The following NBEA variants were observed in gnomAD, a reference collection of about 807,000 sequenced individuals.
NBEA encodes neurobeachin.
A neutral mutation model predicts 343.4 loss-of-function variants in NBEA; 44 were observed. The observed-to-expected ratio is 0.13, with a 90% CI of 0.10 to 0.16. The LOEUF is 0.16. Among genes scored for constraint, NBEA ranks in the 10% least tolerant of loss-of-function variants. The probability of loss-of-function intolerance (pLI) is 1.00; values close to 1 mark genes in which losing one functional copy is unlikely to be tolerated. For synonymous variants in NBEA, 1,175 were observed against 1,238.7 expected, an observed-to-expected ratio of 0.95 and a Z score of 1.08; for missense variants, 2,555 against 3,631.3, an observed-to-expected ratio of 0.70 and a Z score of 7.62.
intron 17 of NBEA, among the ~76,000 whole-genome samples, chr13:35,133,905 G>T (rs1224964106): frequency 1.3e-5 from 2 of 151,772 alleles, no homozygotes; most frequent in Non-Finnish European, 2.9e-5. Context: ...TTGGTTGGTG[G>T]TTACATGAAT....
At chr13:34,981,457 C>G (rs761219986) in intron 1 of NBEA, among the ~76,000 whole-genome samples, 7 of 152,162 alleles carry the variant, frequency 4.6e-5, no homozygotes, top group Non-Finnish European at 7.3e-5. Context: ...CAGACTATTT[C>G]CAAAGTGATT....
chr13:35,520,253 T>C (rs1448836847), intron 41 of NBEA, among the ~76,000 whole-genome samples: 2 of 152,150 alleles, frequency 1.3e-5, no homozygotes, highest in Non-Finnish European at 2.9e-5. Flanking sequence ...TCAACTGTTG[T>C]ATATTTGTCT....
chr13:35,510,961 C>A (rs9544512), intron 41 of NBEA, among the ~76,000 whole-genome samples: 75,934 of 151,930 alleles, frequency 0.5, 19,567 homozygotes, highest in Middle Eastern at 0.57. Flanking sequence ...TATTTTAGTC[C>A]TATTATGACT....
chr13:35,125,550 T>C (rs576006040), intron 17 of NBEA, among the ~76,000 whole-genome samples: 2 of 152,280 alleles, frequency 1.3e-5, no homozygotes, highest in East Asian at 3.9e-4. Context: ...TCTGTGGCTA[T>C]AGAGAAAGGA....
chr13:35,096,024 G>C (rs2065314715), intron 10 of NBEA, among the ~76,000 whole-genome samples: 1 of 151,802 alleles, frequency 6.6e-6, no homozygotes, highest in African/African-American at 2.4e-5. Context: ...AGAATGGAGA[G>C]AAATTTTGTA....
At chr13:35,563,980 C>A (rs1259716311) in intron 44 of NBEA, among the ~76,000 whole-genome samples, 1 of 151,784 alleles carries the variant, frequency 6.6e-6, no homozygotes, top group Non-Finnish European at 1.5e-5. Context: ...TACTTTGTCA[C>A]CCAGGTGATA....
chr13:35,339,091 A>T (rs1457004078), intron 36 of NBEA, among the ~76,000 whole-genome samples: 1 of 152,128 alleles, frequency 6.6e-6, no homozygotes, highest in Non-Finnish European at 1.5e-5. Context: ...CTAAGGGAAG[A>T]AGACAACAAT....
intron 31 of NBEA, among the ~76,000 whole-genome samples, chr13:35,204,905 T>A (rs2152748124): frequency 6.6e-6 from 1 of 152,228 alleles, no homozygotes; most frequent in Middle Eastern, 3.4e-3. Context: ...TTTTTTGGTG[T>A]AGATGGAATA....
At chr13:35,210,488 C>A (rs1023457678) in intron 32 of NBEA, among the ~76,000 whole-genome samples, 2 of 152,110 alleles carry the variant, frequency 1.3e-5, no homozygotes, top group Non-Finnish European at 1.5e-5. Context: ...ACTTAATATA[C>A]TTACGTGGCA....
rs544571461 is a variant in NBEA at position 35,551,503 on chromosome 13, C to T, written c.6806+471C>T. Among the ~76,000 whole-genome samples the T allele has an allele frequency of 9.8e-4, 149 of 152,194 alleles. 1 individual carries two copies. The highest frequency in any genetic ancestry group is 3.4e-3 in the African/African-American group (142 of 41,530). ...GTTGTAACCACATTTCCTAGATTTT[C>T]ATCTTGGTATTTTAGAAGAATCATT... On this transcript the variant is annotated intron_variant, in intron 43 of 58. Coordinates refer to ENST00000379939, the MANE Select transcript of NBEA (RefSeq NM_001385012.1).
At chr13:35,470,151 T>C (rs1338757584) in intron 40 of NBEA, among the ~76,000 whole-genome samples, 1 of 152,220 alleles carries the variant, frequency 6.6e-6, no homozygotes, top group African/African-American at 2.4e-5. Flanking sequence ...GAATATTTCA[T>C]GATGGTCTTT....
At chr13:35,574,729 T>G (rs2080645331) in intron 45 of NBEA, among the ~76,000 whole-genome samples, 1 of 151,574 alleles carries the variant, frequency 6.6e-6, no homozygotes, top group South Asian at 2.1e-4. Context: ...CTACAAAAAA[T>G]TAAATTAAAA....
At chr13:35,357,961 T>A (rs2040587114) in intron 38 of NBEA, among the ~76,000 whole-genome samples, 1 of 152,192 alleles carries the variant, frequency 6.6e-6, no homozygotes, top group South Asian at 2.1e-4. Flanking sequence ...GTCTGCTTAA[T>A]CACTCCTTAA....
intron 38 of NBEA, among the ~76,000 whole-genome samples, chr13:35,401,206 G>A (rs896322556): frequency 2.0e-5 from 3 of 151,870 alleles, no homozygotes; most frequent in African/African-American, 4.8e-5. Flanking sequence ...AAAAACAGAC[G>A]CTGTAGCAAG....
intron 41 of NBEA, among the ~76,000 whole-genome samples, chr13:35,522,231 T>TGGATCACCTGA (rs2077750417): frequency 6.6e-6 from 1 of 151,110 alleles, no homozygotes; most frequent in Admixed American, 6.6e-5. Context: ...CCAAAGAGGG[T>TGGATCACCTGA]GGATCACCTG....
At chr13:34,950,559 A>G (rs551425371) in intron 1 of NBEA, among the ~76,000 whole-genome samples, 1 of 151,198 alleles carries the variant, frequency 6.6e-6, no homozygotes, top group East Asian at 1.9e-4. Context: ...AGAATATTCT[A>G]ATTTTCTAAA....
intron 48 of NBEA, among the ~76,000 whole-genome samples, chr13:35,612,040 C>A (rs560036012): frequency 6.6e-6 from 1 of 151,756 alleles, no homozygotes; most frequent in East Asian, 1.9e-4. Context: ...AGTTCCAGTT[C>A]CTCCATAGCC....
intron 33 of NBEA, among the ~76,000 whole-genome samples, chr13:35,228,114 A>G (rs576293377): frequency 6.6e-6 from 1 of 152,118 alleles, no homozygotes; most frequent in East Asian, 1.9e-4. Flanking sequence ...TATTCATACG[A>G]ATTTCTTAGA....
At chr13:35,625,064 G>A (rs2083162878) in intron 48 of NBEA, among the ~76,000 whole-genome samples, 1 of 152,030 alleles carries the variant, frequency 6.6e-6, no homozygotes, top group Non-Finnish European at 1.5e-5. Context: ...TATCATATAT[G>A]AATGAAAGTA....
Sources: allele counts gnomAD v4.1 joint callset (sites outside exome capture counted in the v4.1 genomes callset), GRCh38; gene constraint gnomAD v4.1.1; transcripts MANE v1.5; gene names NCBI Gene and HGNC (gene_info 2026-07-23, HGNC 2026-07-21).